Variants in AGBL4 observed in about 807,000 individuals in gnomAD.
The protein encoded by AGBL4 is cytosolic carboxypeptidase 6.
Under a neutral mutation model 66.4 loss-of-function variants are expected in AGBL4, and 58 were observed. The observed-to-expected ratio is 0.87, with a 90% CI of 0.71 to 1.09. The LOEUF is 1.09. Ranked by LOEUF, AGBL4 falls within the 50% of genes least tolerant of loss-of-function variation. AGBL4 has a pLI of 0.00. For missense variants in AGBL4, 579 were observed against 631.0 expected (o/e 0.92, Z 0.88); for synonymous variants, 234 against 222.9 (o/e 1.05, Z -0.44).
chr1:49,727,363 A>C (rs1329751931), intron 2 of AGBL4, among the ~76,000 whole-genome samples: 1 of 152,166 alleles, frequency 6.6e-6, no homozygotes, highest in Non-Finnish European at 1.5e-5. Context: ...GAAAAAGTGC[A>C]TAACAATAGC....
At chr1:48,975,602 G>A (rs936714655) in intron 5 of AGBL4, among the ~76,000 whole-genome samples, 2 of 152,044 alleles carry the variant, frequency 1.3e-5, no homozygotes, top group African/African-American at 4.8e-5. Flanking sequence ...TGCTCCTCAT[G>A]AACCAAGTAT....
At chr1:48,582,078 A>G (rs1353082696) in intron 11 of AGBL4, among the ~76,000 whole-genome samples, 1 of 152,218 alleles carries the variant, frequency 6.6e-6, no homozygotes. Flanking sequence ...GATGGTTCAC[A>G]GGGTTTTGTT....
At chr1:49,285,816 T>C (rs1030575986) in intron 3 of AGBL4, among the ~76,000 whole-genome samples, 23 of 152,208 alleles carry the variant, frequency 1.5e-4, no homozygotes, top group Admixed American at 7.2e-4. Flanking sequence ...CCTCTGAAAC[T>C]ATTCCAATCA....
intron 4 of AGBL4, among the ~76,000 whole-genome samples, chr1:49,096,534 T>C (rs1381546324): frequency 5.3e-5 from 8 of 151,770 alleles, no homozygotes; most frequent in African/African-American, 1.7e-4. Flanking sequence ...TTCATGTCCT[T>C]TGTAGGGACA....
chr1:49,688,846 T>C (rs1646834011), intron 3 of AGBL4, among the ~76,000 whole-genome samples: 1 of 152,238 alleles, frequency 6.6e-6, no homozygotes, highest in Admixed American at 6.5e-5. Flanking sequence ...CACCTTTTCA[T>C]ATGCCTGTTT....
intron 3 of AGBL4, among the ~76,000 whole-genome samples, chr1:49,362,462 AAAAAAAAAAAAG>A (rs1644159537): frequency 6.6e-6 from 1 of 151,508 alleles, no homozygotes; most frequent in Non-Finnish European, 1.5e-5. Context: ...AAAAAAAAAA[AAAAAAAAAAAAG>A]AGAGAATCTA....
intron 1 of AGBL4, among the ~76,000 whole-genome samples, chr1:50,009,759 C>A (rs1293027353): frequency 6.6e-6 from 1 of 151,162 alleles, no homozygotes; most frequent in Non-Finnish European, 1.5e-5. Flanking sequence ...TGAAAAAAAT[C>A]TAAAGATTCC....
rs192235561 is a variant in AGBL4 at position 48,838,276 on chromosome 1, C to T, written c.634+28915G>A. The stretch of plus-strand genomic sequence containing the variant: ...CACAAAGCTGGAGGCATCACATTAC[C>T]TGACATCAAAGTATACTATAAAGCT... On this transcript the variant is annotated intron_variant, in intron 6 of 13. Transcript: ENST00000371839. 3.1e-3 allele frequency among the ~76,000 whole-genome samples: 472 copies of T among 152,148 alleles called. 3 individuals are homozygous for T. Among genetic ancestry groups the T allele is most frequent in the African/African-American group, 0.01 (420 of 41,528 alleles).
chr1:49,073,421 GA>G (rs1644649134), intron 4 of AGBL4, among the ~76,000 whole-genome samples: 1 of 152,192 alleles, frequency 6.6e-6, no homozygotes, highest in African/African-American at 2.4e-5. Context: ...GTGACCTACT[GA>G]TGAGGTTTTG....
At chr1:49,216,210 G>A (rs1390197091) in intron 4 of AGBL4, among the ~76,000 whole-genome samples, 1 of 152,048 alleles carries the variant, frequency 6.6e-6, no homozygotes, top group Non-Finnish European at 1.5e-5. Flanking sequence ...TTAGACCACT[G>A]GTTGCCAATC....
chr1:48,773,097 C>A (rs1026077639), intron 6 of AGBL4, among the ~76,000 whole-genome samples: 3 of 152,138 alleles, frequency 2.0e-5, no homozygotes, highest in African/African-American at 7.2e-5. Flanking sequence ...TCACTTAATA[C>A]AGCACTGGGC....
intron 5 of AGBL4, among the ~76,000 whole-genome samples, chr1:49,007,534 A>T (rs1371750171): frequency 3.2e-4 from 48 of 149,420 alleles, no homozygotes; most frequent in African/African-American, 1.2e-3. Flanking sequence ...GAACGCCACA[A>T]AGATACTCCT....
intron 4 of AGBL4, among the ~76,000 whole-genome samples, chr1:49,058,989 C>G (rs746637368): frequency 2.0e-5 from 3 of 152,124 alleles, no homozygotes; most frequent in Non-Finnish European, 4.4e-5. Context: ...AAATTTGCAG[C>G]CTAATGATGC....
chr1:49,262,226 T>A (rs1378920087), intron 3 of AGBL4, among the ~76,000 whole-genome samples: 2 of 152,250 alleles, frequency 1.3e-5, no homozygotes, highest in Admixed American at 6.5e-5. Flanking sequence ...AACCTAGGCA[T>A]TACCATTCAG....
chr1:48,835,764 G>A lies in AGBL4; in HGVS notation c.634+31427C>T, dbSNP rs1281860525. ...CCTAGAACTCTCTAATCAGAATGCT[G>A]CTTTTAAGTTCTTCCAATAAGGAAA... On this transcript the variant is annotated intron_variant, in intron 6 of 13. Transcript: ENST00000371839. 2.6e-5 allele frequency among the ~76,000 whole-genome samples: 4 copies of A among 152,118 alleles called. No homozygotes were observed. In the East Asian group the frequency reaches 7.7e-4, roughly 29 times the overall value.
At chr1:48,731,786 T>C (rs1014980986) in intron 6 of AGBL4, among the ~76,000 whole-genome samples, 1 of 152,074 alleles carries the variant, frequency 6.6e-6, no homozygotes, top group African/African-American at 2.4e-5. Flanking sequence ...ACAGGAGATA[T>C]AGCCAGAAAC....
intron 2 of AGBL4, among the ~76,000 whole-genome samples, chr1:49,775,752 C>T (rs2147893305): frequency 6.6e-6 from 1 of 151,950 alleles, no homozygotes; most frequent in South Asian, 2.1e-4. Flanking sequence ...TAAAAGTTTG[C>T]TGAATGAATG....
intron 3 of AGBL4, among the ~76,000 whole-genome samples, chr1:49,318,819 G>C (rs898158348): frequency 6.6e-6 from 1 of 152,054 alleles, no homozygotes; most frequent in Non-Finnish European, 1.5e-5. Flanking sequence ...CTGTGTTTAT[G>C]AGCCATTTAG....
chr1:49,683,116 G>T (rs1161275166), intron 3 of AGBL4, among the ~76,000 whole-genome samples: 1 of 152,022 alleles, frequency 6.6e-6, no homozygotes, highest in African/African-American at 2.4e-5. Flanking sequence ...TAGTTTCAAG[G>T]TCACTAGGTG....
Sources: gnomAD v4.1 joint callset for allele counts (sites outside exome capture counted in the v4.1 genomes callset) on GRCh38, gnomAD v4.1.1 for gene constraint, MANE v1.5 for transcripts, NCBI Gene and HGNC (gene_info 2026-07-23, HGNC 2026-07-21) for gene names.